Variants in CCDC92 observed in about 807,000 individuals in gnomAD.
CCDC92 encodes coiled-coil domain containing 92.
Under a neutral mutation model 24.9 loss-of-function variants are expected in CCDC92, and 12 were observed. The ratio of observed to expected loss-of-function variants is 0.48; its 90% CI spans 0.31 to 0.78. The LOEUF (loss-of-function observed/expected upper bound fraction) is 0.78. Among genes scored for constraint, CCDC92 ranks in the 30% least tolerant of loss-of-function variants. The pLI is 0.05. For synonymous variants in CCDC92, 193 were observed against 196.3 expected (o/e 0.98, Z 0.14); for missense variants, 399 against 439.4 (o/e 0.91, Z 0.82).
At chr12:123,968,246 A>G (rs1220588389) in intron 1 of CCDC92, 7 of 152,242 alleles carry the variant, frequency 4.6e-5, no homozygotes, top group Admixed American at 4.6e-4. Flanking sequence ...TCTTTCTGAT[A>G]AAGCAGTAAA....
At chr12:123,965,906 C>T (rs940567740) in intron 1 of CCDC92, among the ~76,000 whole-genome samples, 1 of 152,138 alleles carries the variant, frequency 6.6e-6, no homozygotes, top group Non-Finnish European at 1.5e-5. Flanking sequence ...ATAAAGACAA[C>T]GAGAGCAGCT....
At position 123,937,703 on chromosome 12, in the gene CCDC92, T is replaced by C. The variant is rs148048206; in HGVS notation, c.351A>G (p.Thr117=). The change falls in exon 5 of 5, where the codon ACA becomes ACG. Residue 117 remains threonine (T), a synonymous_variant. Transcript: ENST00000238156. This position sits in a 1 kb window ranked among gnomAD's most constrained non-coding sequence, Gnocchi z 8.4. The part of the protein sequence containing the change: ...KELEQKNAMI[T]VLENTIKERE... ...GCTCCTTGATGGTGTTCTCCAGCAC[T>C]GTGATCATCGCGTTTTTCTGCTCCA... The C allele has an allele frequency of 5.6e-6, 9 of 1,614,052 alleles. No homozygotes were observed. The highest frequency in any genetic ancestry group is 4.0e-5 in the African/African-American group (3 of 74,936).
chr12:123,939,217 C>G (rs1450596933), intron 4 of CCDC92, among the ~76,000 whole-genome samples: 2 of 152,212 alleles, frequency 1.3e-5, no homozygotes, highest in Admixed American at 6.5e-5. Flanking sequence ...CCACCCAGGG[C>G]CTGCCTAGGC....
Position 123,937,471 on chromosome 12 carries a change from TG to T in CCDC92, c.582del (p.Asp196ThrfsTer11). On this transcript the variant is annotated frameshift_variant, in exon 5 of 5. Coordinates refer to ENST00000238156, the MANE Select transcript of CCDC92 (RefSeq NM_025140.3). LOFTEE classifies it high-confidence loss of function. This position sits in a 1 kb window ranked among gnomAD's most constrained non-coding sequence, Gnocchi z 8.4. The part of the protein sequence containing the change: ...PVLASYKPAP[P>X]KDKLPETPRR... ...CGAGGCGTTTCGGGTAGCTTGTCTT[TG>T]GGGGGCGCTGGCTTGTAGCTGGCCA... The T allele has an allele frequency of 6.2e-7, 1 of 1,613,058 alleles. No homozygotes were observed.
chr12:123,949,770 G>A (rs1040044519), intron 1 of CCDC92, among the ~76,000 whole-genome samples: 3 of 152,200 alleles, frequency 2.0e-5, no homozygotes, highest in Non-Finnish European at 4.4e-5. Context: ...CTCTGAAGAC[G>A]TGGCAAGACA....
chr12:123,966,421 T>C (rs1028641902), intron 1 of CCDC92: 14 of 152,340 alleles, frequency 9.2e-5, no homozygotes, highest in African/African-American at 3.1e-4. Context: ...GGACATTCCA[T>C]GTGAGAGGAA....
intron 1 of CCDC92, among the ~76,000 whole-genome samples, chr12:123,954,505 G>A (rs1278708003): frequency 1.3e-5 from 2 of 152,160 alleles, no homozygotes; most frequent in African/African-American, 4.8e-5. Context: ...GCCTGTCTGG[G>A]AAGGCTGCAG....
At chr12:123,941,340 C>T (rs1351727230) in intron 4 of CCDC92, among the ~76,000 whole-genome samples, 1 of 152,180 alleles carries the variant, frequency 6.6e-6, no homozygotes, top group Non-Finnish European at 1.5e-5. Context: ...ATTCCACCAC[C>T]CCAAGAAGCC....
intron 1 of CCDC92, among the ~76,000 whole-genome samples, chr12:123,957,763 C>A (rs1956185163): frequency 8.4e-6 from 1 of 118,992 alleles, no homozygotes; most frequent in Admixed American, 1.2e-4. Flanking sequence ...GGCTGGAGTG[C>A]AATGGTGTGA....
intron 1 of CCDC92, chr12:123,945,023 T>G (rs1245096028): frequency 6.6e-6 from 1 of 152,108 alleles, no homozygotes; most frequent in African/African-American, 2.4e-5. Flanking sequence ...AAATTATTAC[T>G]TTTGTGTGAA....
chr12:123,968,293 T>C (rs1172729279), intron 1 of CCDC92: 1 of 151,766 alleles, frequency 6.6e-6, no homozygotes, highest in Non-Finnish European at 1.5e-5. Context: ...CTCGGTCGGC[T>C]CTCCAGTGTG....
intron 1 of CCDC92, chr12:123,945,005 C>T (rs1450272801): frequency 2.0e-5 from 3 of 151,830 alleles, no homozygotes; most frequent in African/African-American, 7.3e-5. Flanking sequence ...TAGAAATCTA[C>T]CAAAGGGAAA....
In CCDC92 at chr12:123,937,009, C is replaced by T; in HGVS notation, c.*49G>A. ...CAGAAAAGGTGTGGCTGAGATTTCC[C>T]AGTGGTGCTCACAGTGCATGGACAG... On this transcript the variant is annotated 3_prime_UTR_variant, in exon 5 of 5. Transcript: ENST00000238156. This position sits in a 1 kb window ranked among gnomAD's most constrained non-coding sequence, Gnocchi z 8.4. 1 of 1,600,838 alleles carries T rather than the reference C, an allele frequency of 6.2e-7. No homozygotes were observed. The highest frequency in any genetic ancestry group is 1.1e-5 in the South Asian group (1 of 89,984).
At position 123,965,230 on chromosome 12, in the gene CCDC92, G is replaced by A. The variant is rs867827672; in HGVS notation, c.-60+7299C>T. Among the ~76,000 whole-genome samples the A allele has an allele frequency of 1.4e-4, 22 of 152,244 alleles. No individual in the cohort carries two copies. The South Asian group carries it at 2.7e-3, about 19-fold the overall frequency. ...TTTGGAATGACGTGTGTGCTTGTAC[G>A]TGTGCATCGAGATATAGTGAGGTCT... On this transcript the variant is annotated intron_variant, in intron 1 of 4. Coordinates refer to ENST00000238156, the MANE Select transcript of CCDC92 (RefSeq NM_025140.3).
At chr12:123,957,328 G>A (rs1956170240) in intron 1 of CCDC92, among the ~76,000 whole-genome samples, 1 of 152,214 alleles carries the variant, frequency 6.6e-6, no homozygotes, top group Admixed American at 6.5e-5. Context: ...CCAGTTTTCA[G>A]AATGCACAGG....
intron 1 of CCDC92, among the ~76,000 whole-genome samples, chr12:123,954,053 CTTCT>C (rs1204226353): frequency 6.6e-6 from 1 of 152,178 alleles, no homozygotes; most frequent in Admixed American, 6.5e-5. Context: ...CTATCTAAAG[CTTCT>C]TTAATGATGA....
intron 4 of CCDC92, among the ~76,000 whole-genome samples, chr12:123,939,199 C>T (rs1464267788): frequency 2.6e-5 from 4 of 152,208 alleles, no homozygotes; most frequent in Admixed American, 2.6e-4. Context: ...TTCCCTGTAC[C>T]AACTCCACCA....
At position 123,937,371 on chromosome 12, in the gene CCDC92, C is replaced by G; in HGVS notation, c.683G>C (p.Ser228Thr). 6.2e-7 allele frequency: 1 copy of G among 1,614,064 alleles called. No homozygotes were observed. Among genetic ancestry groups the G allele is most frequent in the East Asian group, 2.2e-5 (1 of 44,872 alleles). ...TGGTTCCCGCAAAAGGAGTTTCCTGCTCTCTGCCCCGAATCTGTAGACCTC... is the reference window on the plus strand; with the variant it reads ...TGGTTCCCGCAAAAGGAGTTTCCTGGTCTCTGCCCCGAATCTGTAGACCTC... ...FEEVYRFGAESRKLLLREPVD... is the reference protein window; with the variant it reads ...FEEVYRFGAETRKLLLREPVD... The change falls in exon 5 of 5, where the codon AGC (serine) becomes ACC (threonine). Residue 228 changes from serine to threonine, a missense_variant. By Grantham distance (58) the Ser-to-Thr change is moderately conservative. Coordinates refer to ENST00000238156, the MANE Select transcript of CCDC92 (RefSeq NM_025140.3). This position sits in a 1 kb window ranked among gnomAD's most constrained non-coding sequence, Gnocchi z 8.4.
chr12:123,958,455 G>C (rs917558438), intron 1 of CCDC92, among the ~76,000 whole-genome samples: 1 of 152,220 alleles, frequency 6.6e-6, no homozygotes, highest in Admixed American at 6.5e-5. Flanking sequence ...TCTTTCCAAA[G>C]GCTGCCACCT....
Sources: allele counts gnomAD v4.1 joint callset (sites outside exome capture counted in the v4.1 genomes callset), GRCh38; gene constraint gnomAD v4.1.1; non-coding constraint Gnocchi (gnomAD v3.1); transcripts MANE v1.5; gene names NCBI Gene and HGNC (gene_info 2026-07-23, HGNC 2026-07-21).